Variants in MTX2 observed in about 807,000 individuals in gnomAD.
MTX2 encodes metaxin-2.
In MTX2, 35 loss-of-function variants were observed where a neutral mutation model predicts 42.3. The ratio of observed to expected loss-of-function variants is 0.83; its 90% CI spans 0.63 to 1.10. The LOEUF is 1.10. Ranked by LOEUF, MTX2 falls within the 50% of genes least tolerant of loss-of-function variation. The pLI, the probability that MTX2 is intolerant of heterozygous loss-of-function variation, is 0.00. For synonymous variants in MTX2, 119 were observed against 100.9 expected, an observed-to-expected ratio of 1.18 and a Z score of -1.08; for missense variants, 307 against 304.1, an observed-to-expected ratio of 1.01 and a Z score of -0.07.
chr2:176,275,361 CTT>C (rs1692923157), intron 1 of MTX2, among the ~76,000 whole-genome samples: 1 of 151,886 alleles, frequency 6.6e-6, no homozygotes, highest in Non-Finnish European at 1.5e-5. Flanking sequence ...GCCTCAGCCT[CTT>C]GAGTAGCTGG....
intron 1 of MTX2, among the ~76,000 whole-genome samples, chr2:176,275,419 A>G (rs1692924698): frequency 6.6e-6 from 1 of 151,844 alleles, no homozygotes; most frequent in African/African-American, 2.4e-5. Context: ...TTATATTTTT[A>G]GTAGAGATGG....
At chr2:176,306,289 A>G (rs1382052417) in intron 3 of MTX2, among the ~76,000 whole-genome samples, 1 of 151,950 alleles carries the variant, frequency 6.6e-6, no homozygotes, top group African/African-American at 2.4e-5. Context: ...TATGTGCCAC[A>G]TTTTCTTAAT....
At chr2:176,275,016 A>G (rs1575029592) in intron 1 of MTX2, among the ~76,000 whole-genome samples, 2 of 152,182 alleles carry the variant, frequency 1.3e-5, no homozygotes, top group East Asian at 3.9e-4. Flanking sequence ...CAGTGTAGGT[A>G]AGCTGATGTG....
chr2:176,317,680 A>G (rs900142879), intron 3 of MTX2, among the ~76,000 whole-genome samples: 4 of 152,060 alleles, frequency 2.6e-5, no homozygotes, highest in Admixed American at 1.3e-4. Context: ...GTGATATCCT[A>G]TGTTTGGGAG....
At chr2:176,314,436 CAAA>C (rs750058257) in intron 3 of MTX2, among the ~76,000 whole-genome samples, 1 of 120,600 alleles carries the variant, frequency 8.3e-6, no homozygotes, top group African/African-American at 3.1e-5. Flanking sequence ...GACTCTGTCT[CAAA>C]AAAAAAAAAA....
At chr2:176,272,151 G>C (rs1232134510) in intron 1 of MTX2, among the ~76,000 whole-genome samples, 1 of 152,138 alleles carries the variant, frequency 6.6e-6, no homozygotes, top group Non-Finnish European at 1.5e-5. Flanking sequence ...GACATAGAAA[G>C]ACAAGTAGTG....
chr2:176,270,366 T>C (rs766711285), intron 1 of MTX2: 1 of 1,362,878 alleles, frequency 7.3e-7, no homozygotes, highest in South Asian at 1.1e-5. Context: ...AATCTGCATG[T>C]ACTTTAAAGA....
intron 3 of MTX2, among the ~76,000 whole-genome samples, chr2:176,314,082 A>G (rs1684380755): frequency 6.6e-6 from 1 of 152,030 alleles, no homozygotes; most frequent in Non-Finnish European, 1.5e-5. Context: ...AAAGCAAAGT[A>G]TATTTGATAT....
chr2:176,297,565 G>T (rs1414850577), intron 2 of MTX2, among the ~76,000 whole-genome samples: 1 of 152,114 alleles, frequency 6.6e-6, no homozygotes, highest in East Asian at 1.9e-4. Flanking sequence ...TAATTTTAAT[G>T]AAGAGGAACA....
At chr2:176,297,205 A>C (rs1465901199) in intron 2 of MTX2, among the ~76,000 whole-genome samples, 1 of 152,144 alleles carries the variant, frequency 6.6e-6, no homozygotes, top group Non-Finnish European at 1.5e-5. Context: ...GAGACAGCAG[A>C]TTTTTGAAGT....
At position 176,337,576 on chromosome 2, in the gene MTX2, A is replaced by C. The variant is rs1685025166; in HGVS notation, c.704A>C (p.Lys235Thr). The change falls in exon 10 of 10, where the codon AAG becomes ACG. Residue 235 changes from lysine (K) to threonine (T), a missense_variant. Coordinates refer to ENST00000249442, the MANE Select transcript of MTX2 (RefSeq NM_006554.5). Reference sequence around the variant, plus strand: ...TTGACAAATGATGAACTTTCTGAGAAGGTGAAAAACTATAGCAACCTCCTT... The same window carrying C: ...TTGACAAATGATGAACTTTCTGAGACGGTGAAAAACTATAGCAACCTCCTT... Reference protein sequence around the residue: ...TQLTNDELSEKVKNYSNLLAF... With the variant: ...TQLTNDELSETVKNYSNLLAF... 2 of 1,613,424 alleles carry C rather than the reference A, an allele frequency of 1.2e-6. No homozygotes were observed. Among genetic ancestry groups the C allele is most frequent in the African/African-American group, 2.7e-5 (2 of 74,906 alleles).
At chr2:176,334,788 A>G (rs779832682) in intron 9 of MTX2, among the ~76,000 whole-genome samples, 2 of 152,030 alleles carry the variant, frequency 1.3e-5, no homozygotes, top group African/African-American at 2.4e-5. Flanking sequence ...ATACTGTGCT[A>G]AGAACTGGGA....
intron 2 of MTX2, 52 bp downstream of exon 2, chr2:176,296,959 C>T (rs772341303): frequency 3.6e-5 from 55 of 1,512,674 alleles, no homozygotes; most frequent in African/African-American, 3.3e-4. Flanking sequence ...ATATTTATTA[C>T]GGAAAAATCC....
At chr2:176,295,165 ATTT>A (rs1246848618) in intron 1 of MTX2, among the ~76,000 whole-genome samples, 1 of 152,128 alleles carries the variant, frequency 6.6e-6, no homozygotes, top group Non-Finnish European at 1.5e-5. Flanking sequence ...AAGGAACTTG[ATTT>A]CAATATTTAT....
chr2:176,317,300 A>G (rs1052983606), intron 3 of MTX2, among the ~76,000 whole-genome samples: 1 of 151,976 alleles, frequency 6.6e-6, no homozygotes, highest in Non-Finnish European at 1.5e-5. Context: ...TGATACTTGT[A>G]CATACCTTAT....
chr2:176,331,917 AG>A (rs1684872413), intron 9 of MTX2, among the ~76,000 whole-genome samples: 1 of 151,294 alleles, frequency 6.6e-6, no homozygotes, highest in African/African-American at 2.4e-5. Flanking sequence ...GGAGGCCAGG[AG>A]AATAGATCTA....
intron 3 of MTX2, among the ~76,000 whole-genome samples, chr2:176,316,883 G>T (rs1458361598): frequency 2.6e-5 from 4 of 151,630 alleles, no homozygotes; most frequent in African/African-American, 9.7e-5. Context: ...TTCATATTAT[G>T]TATTTATAGC....
At chr2:176,337,094 T>C (rs1222759327) in intron 9 of MTX2, among the ~76,000 whole-genome samples, 2 of 152,192 alleles carry the variant, frequency 1.3e-5, no homozygotes, top group African/African-American at 2.4e-5. Context: ...CTAAATGATA[T>C]GCAGTAGTGT....
chr2:176,280,664 C>T (rs1306812139), intron 1 of MTX2, among the ~76,000 whole-genome samples: 1 of 152,156 alleles, frequency 6.6e-6, no homozygotes, highest in Non-Finnish European at 1.5e-5. Flanking sequence ...AGGCAATTCT[C>T]CTTAGTACTA....
Sources: gnomAD v4.1 joint callset for allele counts (sites outside exome capture counted in the v4.1 genomes callset) on GRCh38, gnomAD v4.1.1 for gene constraint, MANE v1.5 for transcripts, NCBI Gene and HGNC (gene_info 2026-07-23, HGNC 2026-07-21) for gene names.